GGT5: variants seen among roughly 807,000 people sequenced by gnomAD.
GGT5 encodes gamma-glutamyltransferase 5.
GGT5 carries 50 observed loss-of-function variants against 58.1 expected under a neutral mutation model. The ratio of observed to expected loss-of-function variants is 0.86; its 90% CI spans 0.69 to 1.09. The LOEUF is 1.09. Among genes scored for constraint, GGT5 ranks in the 50% least tolerant of loss-of-function variants. The pLI is 0.00. For missense variants in GGT5, 800 were observed against 789.4 expected (o/e 1.01, Z -0.16); for synonymous variants, 370 against 346.1 (o/e 1.07, Z -0.77).
intron 6 of GGT5, among the ~76,000 whole-genome samples, chr22:24,229,844 C>T (rs2047886577): frequency 6.7e-6 from 1 of 149,776 alleles, no homozygotes; most frequent in Non-Finnish European, 1.5e-5. Flanking sequence ...GAGTGAGATT[C>T]CATCTCAAAA....
At chr22:24,234,998 C>T (rs1348339267) in intron 1 of GGT5, among the ~76,000 whole-genome samples, 1 of 151,468 alleles carries the variant, frequency 6.6e-6, no homozygotes, top group African/African-American at 2.4e-5. Context: ...CTGAGGTCAA[C>T]CTCTTCCCTA....
chr22:24,231,973 C>G, intron 5 of GGT5, 78 bp downstream of exon 5: 1 of 1,245,042 alleles, frequency 8.0e-7, no homozygotes, highest in Non-Finnish European at 1.2e-6. Flanking sequence ...TGGGAAGGAG[C>G]CTGCCCTCAA....
chr22:24,226,221 G>A lies in GGT5; in HGVS notation c.1084C>T (p.Arg362Cys), dbSNP rs770771145. The A allele has an allele frequency of 3.2e-5, 51 of 1,609,090 alleles. No homozygotes were observed. Among genetic ancestry groups the A allele is most frequent in the South Asian group, 9.9e-5 (9 of 90,996 alleles). The change falls in exon 8 of 12, where the codon CGC becomes TGC. Residue 362 changes from arginine to cysteine, a missense_variant. Arg to Cys is a radical substitution (Grantham distance 180, BLOSUM62 -3). Coordinates refer to ENST00000327365, the MANE Select transcript of GGT5 (RefSeq NM_004121.5). ...LLGETLAQLI[R>C]QQIDGRGDHQ... ...TCCCCCCGGCCATCGATCTGTTGGC[G>A]GATGAGCTGGGCCAGGGTCTCCCCC...
In GGT5 at chr22:24,233,947, G is replaced by A; in HGVS notation, c.231C>T (p.Cys77=). 6.2e-7 allele frequency: 1 copy of A among 1,613,314 alleles called. No individual in the cohort carries two copies. The highest frequency in any genetic ancestry group is 8.5e-7 in the Non-Finnish European group (1 of 1,179,328). ...TGCTCTGAGGGTTGACGACGCTGGT[G>A]CAGACCAGAGCCGCGATGGTGGCAT... ...PVDATIAALV[C]TSVVNPQSMG... is the part of the protein sequence containing the mutation. The change falls in exon 2 of 12, where the codon TGC becomes TGT. Residue 77 remains cysteine (C), a synonymous_variant. Coordinates refer to ENST00000327365, the MANE Select transcript of GGT5 (RefSeq NM_004121.5).
At chr22:24,232,773 C>A in intron 4 of GGT5, 50 bp downstream of exon 4, 2 of 1,306,702 alleles carry the variant, frequency 1.5e-6, no homozygotes, top group South Asian at 3.2e-5. Context: ...TGGGCCCAGA[C>A]AGGATATGGC....
rs571111096 is a variant in GGT5, at chr22:24,224,598, T to C, written c.1614+398A>G. On this transcript the variant is annotated intron_variant, in intron 11 of 11. Transcript: ENST00000327365. Reference sequence around the variant, plus strand: ...CAGAAGAAAATCACTTTACAGACTGTCACAGGAAAAACAACCTCTTTCACA... The same window carrying C: ...CAGAAGAAAATCACTTTACAGACTGCCACAGGAAAAACAACCTCTTTCACA... Among the ~76,000 whole-genome samples the C allele has an allele frequency of 3.3e-5, 5 of 152,074 alleles. No homozygotes were observed. The East Asian group carries it at 9.6e-4, about 29-fold the overall frequency.
intron 11 of GGT5, among the ~76,000 whole-genome samples, chr22:24,223,754 C>CT (rs898258352): frequency 0.023 from 1,818 of 79,338 alleles, 23 homozygotes; most frequent in Non-Finnish European, 0.029. Context: ...TGCTATCAAT[C>CT]TTTTTTTTTT....
rs2048434947 is a variant in GGT5 at position 24,244,941 on chromosome 22, G to A, written c.-216C>T. 1.0e-5 allele frequency: 8 copies of A among 770,526 alleles called. No homozygotes were observed. In the South Asian group the frequency reaches 1.6e-4, roughly 15 times the overall value. 47.7% of individuals were successfully genotyped at this position (770,526 alleles called of 1,614,324 possible). A position where few individuals can be genotyped will look rare whatever the true frequency, so the allele number is the denominator to read the frequency against. Reference sequence around the variant, plus strand: ...GAGAAAGATGGTCAGATAGACAATGGGACAGAGATGGGCTTACAGATGGGC... The same window carrying A: ...GAGAAAGATGGTCAGATAGACAATGAGACAGAGATGGGCTTACAGATGGGC... On this transcript the variant is annotated 5_prime_UTR_variant, in exon 1 of 12. Transcript: ENST00000327365.
chr22:24,227,979 G>A (rs991683521), intron 6 of GGT5, among the ~76,000 whole-genome samples: 1 of 144,804 alleles, frequency 6.9e-6, no homozygotes, highest in African/African-American at 2.5e-5. Flanking sequence ...AACCCGGGAG[G>A]AGGAGGTTGC....
At chr22:24,237,527 G>A (rs1205353993) in intron 1 of GGT5, among the ~76,000 whole-genome samples, 2 of 152,030 alleles carry the variant, frequency 1.3e-5, no homozygotes, top group African/African-American at 4.8e-5. Context: ...TCCTGTCTCA[G>A]CCTCCCAAGT....
At chr22:24,236,060 C>T (rs367906550) in intron 1 of GGT5, among the ~76,000 whole-genome samples, 73 of 152,188 alleles carry the variant, frequency 4.8e-4, no homozygotes, top group African/African-American at 1.7e-3. Context: ...ATGGTAACTC[C>T]CCGACTTTAA....
At chr22:24,232,336 C>T in intron 4 of GGT5, 128 bp from the exon 5 acceptor site, 1 of 565,880 alleles carries the variant, frequency 1.8e-6, no homozygotes, top group Non-Finnish European at 3.1e-6. Context: ...TCCCGAGGCA[C>T]TGGGGTGGAC....
chr22:24,238,564 C>T lies in GGT5; in HGVS notation c.174-4560G>A, dbSNP rs570507177. On this transcript the variant is annotated intron_variant, in intron 1 of 11. Transcript: ENST00000327365. ...AAAAAAAATACAAAAATTAGCCAGG[C>T]GTGGTGGCTCATGCCTGGAATCCCA... Among the ~76,000 whole-genome samples the T allele has an allele frequency of 2.3e-4, 33 of 141,422 alleles. No individual in the cohort carries two copies. The South Asian group carries it at 7.2e-3, about 31-fold the overall frequency. The allele number at this position is 141,422 out of a possible 152,430, so 92.8% of individuals were successfully genotyped here. A position where few individuals can be genotyped will look rare whatever the true frequency, so the allele number is the denominator to read the frequency against.
chr22:24,225,969 A>G, intron 8 of GGT5, 107 bp downstream of exon 8: 1 of 792,826 alleles, frequency 1.3e-6, no homozygotes, highest in Non-Finnish European at 2.0e-6. Flanking sequence ...AAAGGGCAAA[A>G]GCAAGGTGCT....
chr22:24,233,861 C>T lies in GGT5; in HGVS notation c.304+13G>A, dbSNP rs1348653869. ...AGCCCATCTTCCCCATGGCAGTTCA[C>T]ATGTGGGCCCACCTGTTGTCACATT... On this transcript the variant is annotated intron_variant, in intron 2 of 11. Coordinates refer to ENST00000327365, the MANE Select transcript of GGT5 (RefSeq NM_004121.5). 2 of 1,611,850 alleles carry T rather than the reference C, an allele frequency of 1.2e-6. No homozygotes were observed. The highest frequency in any genetic ancestry group is 1.3e-5 in the African/African-American group (1 of 74,986).
In GGT5 at chr22:24,244,807, T is replaced by C; in HGVS notation, c.-82A>G. 4 of 1,494,094 alleles carry C rather than the reference T, an allele frequency of 2.7e-6. No individual in the cohort carries two copies. In the Admixed American group the frequency reaches 6.6e-5, roughly 25 times the overall value. 92.6% of individuals were successfully genotyped at this position (1,494,094 alleles called of 1,614,324 possible). On this transcript the variant is annotated 5_prime_UTR_variant, in exon 1 of 12. Transcript: ENST00000327365. Reference sequence around the variant, plus strand: ...GTGGGCAGATGAATGGACAAGAAGATGCACAGAGTCACAGGTAATTGGACA... The same window carrying C: ...GTGGGCAGATGAATGGACAAGAAGACGCACAGAGTCACAGGTAATTGGACA...
At chr22:24,236,730 T>C (rs1399083783) in intron 1 of GGT5, among the ~76,000 whole-genome samples, 1 of 144,262 alleles carries the variant, frequency 6.9e-6, no homozygotes, top group African/African-American at 2.6e-5. Flanking sequence ...ACCACTGCAC[T>C]CCAGCCTGGG....
chr22:24,243,711 G>C (rs2048385940), intron 1 of GGT5: 1 of 152,366 alleles, frequency 6.6e-6, no homozygotes, highest in African/African-American at 2.4e-5. Context: ...AGCAGCGGAG[G>C]CCTCCCTTGG....
In GGT5 at chr22:24,222,882, C is replaced by A. The variant is rs557719683; in HGVS notation, c.1614+2114G>T. ...CACAAGGTCAGGAGATCGAGACCAT[C>A]CTGGCTAACACGGTGAAACCCTGTC... On this transcript the variant is annotated intron_variant, in intron 11 of 11. Coordinates refer to ENST00000327365, the MANE Select transcript of GGT5 (RefSeq NM_004121.5). Among the ~76,000 whole-genome samples, 180 of 150,162 alleles carry A rather than the reference C, an allele frequency of 1.2e-3. 3 individuals are homozygous for A. In the South Asian group the frequency reaches 0.024, roughly 20 times the overall value.
Sources: gnomAD v4.1 joint callset for allele counts (sites outside exome capture counted in the v4.1 genomes callset) on GRCh38, gnomAD v4.1.1 for gene constraint, MANE v1.5 for transcripts, NCBI Gene and HGNC (gene_info 2026-07-23, HGNC 2026-07-21) for gene names.